The following SH2D4B variants were observed in gnomAD, a reference collection of about 807,000 sequenced individuals.
SH2D4B encodes the protein SH2 domain-containing protein 4B.
SH2D4B carries 45 observed loss-of-function variants against 61.5 expected under a neutral mutation model. That is an observed-to-expected ratio of 0.73 (90% confidence interval 0.58 to 0.94). The LOEUF (loss-of-function observed/expected upper bound fraction) is 0.94, where lower values mean the gene tolerates loss of function less well. SH2D4B is among the 40% of genes least tolerant of loss of function. SH2D4B has a pLI of 0.00. For missense variants in SH2D4B, 572 were observed against 574.2 expected (o/e 1.00, Z 0.04); for synonymous variants, 224 against 220.4 (o/e 1.02, Z -0.14).
chr10:80,614,319 G>A (rs1290235407), intron 6 of SH2D4B, among the ~76,000 whole-genome samples: 2 of 152,224 alleles, frequency 1.3e-5, no homozygotes, highest in African/African-American at 2.4e-5. Flanking sequence ...GGCATGTCAT[G>A]TGGCGAGAGT....
chr10:80,637,834 T>G (rs1471791564), intron 7 of SH2D4B, among the ~76,000 whole-genome samples: 1 of 152,208 alleles, frequency 6.6e-6, no homozygotes, highest in African/African-American at 2.4e-5. Context: ...TGAATTGTAG[T>G]GGTGAGAGAG....
chr10:80,571,644 C>T, intron 3 of SH2D4B, 66 bp downstream of exon 3: 2 of 1,581,178 alleles, frequency 1.3e-6, no homozygotes, highest in Non-Finnish European at 1.7e-6. Flanking sequence ...CTGGGGCTGA[C>T]CTCTGGTTTG....
chr10:80,540,268 C>T lies in SH2D4B; in HGVS notation c.184+1753C>T, dbSNP rs73307111. Among the ~76,000 whole-genome samples, 986 of 152,296 alleles carry T rather than the reference C, an allele frequency of 6.5e-3. 9 individuals carry two copies. The highest frequency in any genetic ancestry group is 0.023 in the African/African-American group (941 of 41,564). ...CCGCTTGGATCCTGGCTCTTTGCTTCGGTCCTGCCTTTTGGAACTGTCTGG... is the reference window on the plus strand; with the variant it reads ...CCGCTTGGATCCTGGCTCTTTGCTTTGGTCCTGCCTTTTGGAACTGTCTGG... On this transcript the variant is annotated intron_variant, in intron 1 of 7. Transcript: ENST00000646907.
intron 1 of SH2D4B, among the ~76,000 whole-genome samples, chr10:80,561,086 T>G (rs1841896879): frequency 6.6e-6 from 1 of 152,202 alleles, no homozygotes; most frequent in Admixed American, 6.5e-5. Flanking sequence ...GAGAAAAGCA[T>G]GTGTGATTGT....
intron 3 of SH2D4B, among the ~76,000 whole-genome samples, chr10:80,588,269 G>A (rs1013597697): frequency 1.3e-5 from 2 of 152,202 alleles, no homozygotes; most frequent in African/African-American, 4.8e-5. Flanking sequence ...GAGGAGTTAG[G>A]AAGCAATCAT....
At chr10:80,602,698 C>T (rs1314221151) in intron 4 of SH2D4B, among the ~76,000 whole-genome samples, 1 of 152,210 alleles carries the variant, frequency 6.6e-6, no homozygotes, top group African/African-American at 2.4e-5. Flanking sequence ...AGGACAGTTT[C>T]TGGCCTGGTC....
Position 80,571,809 on chromosome 10 carries a change from G to A in SH2D4B, c.495+231G>A, listed in dbSNP as rs573582002. Among the ~76,000 whole-genome samples, 3 of 137,414 alleles carry A rather than the reference G, an allele frequency of 2.2e-5. No individual in the cohort carries two copies. In the South Asian group the frequency reaches 6.8e-4, roughly 31 times the overall value. The allele number at this position is 137,414 out of a possible 152,430, so 90.1% of individuals were successfully genotyped here. A position where few individuals can be genotyped will look rare whatever the true frequency, so the allele number is the denominator to read the frequency against. ...TTTTTTTTGAGACGGAGTCTTGCTC[G>A]TCGCCCAGGCTGGAGTGCAGTGGCG... On this transcript the variant is annotated intron_variant, in intron 3 of 7. Coordinates refer to ENST00000646907, the MANE Select transcript of SH2D4B (RefSeq NM_001388272.1).
chr10:80,583,204 G>T (rs1842203128), intron 3 of SH2D4B, among the ~76,000 whole-genome samples: 1 of 152,154 alleles, frequency 6.6e-6, no homozygotes, highest in Non-Finnish European at 1.5e-5. Context: ...AATCCTCAGA[G>T]AAATGAGTTA....
At chr10:80,627,821 G>C (rs1438899678) in intron 6 of SH2D4B, among the ~76,000 whole-genome samples, 3 of 151,894 alleles carry the variant, frequency 2.0e-5, no homozygotes, top group Admixed American at 1.3e-4. Context: ...AGGAAGCGGG[G>C]AGAGAAAATG....
At chr10:80,572,251 GTAA>G (rs1321007449) in intron 3 of SH2D4B, among the ~76,000 whole-genome samples, 3 of 152,130 alleles carry the variant, frequency 2.0e-5, no homozygotes, top group Non-Finnish European at 4.4e-5. Flanking sequence ...TAATATTCAG[GTAA>G]TAATAACACT....
Position 80,538,248 on chromosome 10 carries a change from G to C in SH2D4B, c.-84G>C, listed in dbSNP as rs763643587. The C allele has an allele frequency of 8.6e-7, 1 of 1,168,428 alleles. No individual in the cohort carries two copies. The highest frequency in any genetic ancestry group is 1.1e-6 in the Non-Finnish European group (1 of 904,046). 72.4% of individuals were successfully genotyped at this position (1,168,428 alleles called of 1,614,324 possible). A position where few individuals can be genotyped will look rare whatever the true frequency, so the allele number is the denominator to read the frequency against. ...GTGGCCCCGGATTGAGCAGTCCGTA[G>C]TGCAGAGCAGCCCCTCGGGCGTTCT... On this transcript the variant is annotated 5_prime_UTR_variant, in exon 1 of 8. Coordinates refer to ENST00000646907, the MANE Select transcript of SH2D4B (RefSeq NM_001388272.1). The surrounding 1 kb of genome is among the most constrained non-coding windows in gnomAD (Gnocchi z 4.8).
At chr10:80,580,942 C>A (rs1170169163) in intron 3 of SH2D4B, among the ~76,000 whole-genome samples, 1 of 152,264 alleles carries the variant, frequency 6.6e-6, no homozygotes, top group African/African-American at 2.4e-5. Context: ...GCTTTTCTTT[C>A]AGTGGTATTA....
intron 4 of SH2D4B, among the ~76,000 whole-genome samples, chr10:80,595,134 T>C (rs919882385): frequency 1.3e-5 from 2 of 152,230 alleles, no homozygotes; most frequent in Non-Finnish European, 1.5e-5. Flanking sequence ...CTTCTCAGCA[T>C]TGATGTCTCA....
In SH2D4B at chr10:80,618,114, A is replaced by C. The variant is rs983190814; in HGVS notation, c.988+8563A>C. Among the ~76,000 whole-genome samples, 46 of 152,238 alleles carry C rather than the reference A, an allele frequency of 3.0e-4. 1 individual carries two copies. Among genetic ancestry groups the C allele is most frequent in the Admixed American group, 3.0e-3 (46 of 15,284 alleles). Reference sequence around the variant, plus strand: ...TTCCCTTGCCAGAAGATAGCCACTGAATGATACTGGGCAGGCAAGACCAAT... The same window carrying C: ...TTCCCTTGCCAGAAGATAGCCACTGCATGATACTGGGCAGGCAAGACCAAT... On this transcript the variant is annotated intron_variant, in intron 6 of 7. Transcript: ENST00000646907.
intron 3 of SH2D4B, among the ~76,000 whole-genome samples, chr10:80,577,718 G>A (rs140748532): frequency 0.011 from 1,725 of 151,050 alleles, 22 homozygotes; most frequent in African/African-American, 0.04. Flanking sequence ...GAGCCACAGC[G>A]CCCGGCCTTT....
chr10:80,612,064 A>G (rs1842607342), intron 6 of SH2D4B, among the ~76,000 whole-genome samples: 1 of 150,612 alleles, frequency 6.6e-6, no homozygotes, highest in South Asian at 2.1e-4. Flanking sequence ...CCTCAGTTTT[A>G]GTGTTAAAAT....
intron 3 of SH2D4B, among the ~76,000 whole-genome samples, chr10:80,572,160 G>C (rs536559885): frequency 2.6e-5 from 4 of 152,120 alleles, no homozygotes; most frequent in South Asian, 2.1e-4. Context: ...AGTGGTTAGG[G>C]ATAGACTCAG....
At chr10:80,544,886 T>C (rs1470756940) in intron 1 of SH2D4B, among the ~76,000 whole-genome samples, 1 of 152,178 alleles carries the variant, frequency 6.6e-6, no homozygotes. Context: ...ATTTCCACCA[T>C]GTGCATCCTT....
chr10:80,572,715 G>A (rs2132119539), intron 3 of SH2D4B, among the ~76,000 whole-genome samples: 1 of 151,552 alleles, frequency 6.6e-6, no homozygotes, highest in South Asian at 2.1e-4. Flanking sequence ...TGCCTCCCGG[G>A]TTGAAGGGAT....
Sources: gnomAD v4.1 joint callset for allele counts (sites outside exome capture counted in the v4.1 genomes callset) on GRCh38, gnomAD v4.1.1 for gene constraint, Gnocchi (gnomAD v3.1) non-coding constraint, MANE v1.5 for transcripts, NCBI Gene and HGNC (gene_info 2026-07-23, HGNC 2026-07-21) for gene names.